The following DPYD variants were observed in gnomAD, a reference collection of about 807,000 sequenced individuals.
DPYD encodes dihydropyrimidine dehydrogenase [NADP(+)].
DPYD carries 109 observed loss-of-function variants against 116.2 expected under a neutral mutation model. The observed-to-expected ratio is 0.94, with a 90% CI of 0.80 to 1.10. The LOEUF is 1.10. DPYD is among the 50% of genes least tolerant of loss of function. DPYD has a pLI of 0.00. For synonymous variants in DPYD, 440 were observed against 432.0 expected (o/e 1.02, Z -0.23); for missense variants, 1,302 against 1,254.5 (o/e 1.04, Z -0.57).
chr1:97,725,604 A>G (rs1663209090), intron 4 of DPYD, among the ~76,000 whole-genome samples: 1 of 151,692 alleles, frequency 6.6e-6, no homozygotes, highest in South Asian at 2.1e-4. Flanking sequence ...AAGCATGTAG[A>G]TCAATGTGAT....
intron 14 of DPYD, among the ~76,000 whole-genome samples, chr1:97,385,800 T>A (rs1160007249): frequency 6.6e-6 from 1 of 152,144 alleles, no homozygotes; most frequent in Non-Finnish European, 1.5e-5. Flanking sequence ...GCCTTGACAG[T>A]AGGATAAGAT....
At chr1:97,245,734 T>C (rs554039194) in intron 18 of DPYD, among the ~76,000 whole-genome samples, 1 of 152,130 alleles carries the variant, frequency 6.6e-6, no homozygotes, top group South Asian at 2.1e-4. Flanking sequence ...AAAAAAGAGG[T>C]TCCACATCCA....
At chr1:97,448,763 A>G (rs1279246805) in intron 14 of DPYD, among the ~76,000 whole-genome samples, 1 of 152,064 alleles carries the variant, frequency 6.6e-6, no homozygotes. Flanking sequence ...AAGCTCAGGA[A>G]GAGAAAAATT....
chr1:97,196,906 T>A (rs893165385), intron 19 of DPYD, among the ~76,000 whole-genome samples: 2 of 152,206 alleles, frequency 1.3e-5, no homozygotes, highest in African/African-American at 2.4e-5. Context: ...TATCTTCAAC[T>A]GAAATATAGC....
intron 21 of DPYD, among the ~76,000 whole-genome samples, chr1:97,091,013 A>C (rs1649863064): frequency 6.6e-6 from 1 of 152,230 alleles, no homozygotes; most frequent in African/African-American, 2.4e-5. Flanking sequence ...AAAAAGAACA[A>C]AAGATGAGAT....
At chr1:97,413,629 C>T (rs1674134666) in intron 14 of DPYD, among the ~76,000 whole-genome samples, 2 of 151,984 alleles carry the variant, frequency 1.3e-5, no homozygotes, top group Admixed American at 6.6e-5. Flanking sequence ...CATGCCACCA[C>T]ACCTGCCTAA....
At chr1:97,226,140 T>C (rs1661138871) in intron 19 of DPYD, among the ~76,000 whole-genome samples, 1 of 151,990 alleles carries the variant, frequency 6.6e-6, no homozygotes, top group Non-Finnish European at 1.5e-5. Context: ...ACAAAAACCA[T>C]ACGATAATCT....
intron 1 of DPYD, among the ~76,000 whole-genome samples, chr1:97,895,069 A>T (rs1171786766): frequency 6.6e-6 from 1 of 151,820 alleles, no homozygotes; most frequent in South Asian, 2.1e-4. Flanking sequence ...AAGAAAATCT[A>T]TATTTTAGCA....
intron 18 of DPYD, among the ~76,000 whole-genome samples, chr1:97,289,700 A>C (rs949952376): frequency 6.6e-6 from 1 of 152,154 alleles, no homozygotes; most frequent in Non-Finnish European, 1.5e-5. Flanking sequence ...AAATCATAAG[A>C]GCTATCTATG....
chr1:97,862,954 G>A (rs1671195256), intron 2 of DPYD, among the ~76,000 whole-genome samples: 1 of 151,644 alleles, frequency 6.6e-6, no homozygotes, highest in Admixed American at 6.6e-5. Context: ...AGGCAAAACT[G>A]TAATACGAAA....
chr1:97,331,146 T>G (rs1489804820), intron 16 of DPYD, among the ~76,000 whole-genome samples: 4 of 152,086 alleles, frequency 2.6e-5, no homozygotes, highest in Non-Finnish European at 5.9e-5. Context: ...AGTCACTAGC[T>G]CACACCAGCC....
At chr1:97,823,460 G>T (rs1231774156) in intron 3 of DPYD, among the ~76,000 whole-genome samples, 1 of 152,054 alleles carries the variant, frequency 6.6e-6, no homozygotes, top group Admixed American at 6.5e-5. Context: ...ACCTTACTGT[G>T]CTATAGAACA....
At chr1:97,488,228 A>T (rs1187084640) in intron 13 of DPYD, among the ~76,000 whole-genome samples, 1 of 152,164 alleles carries the variant, frequency 6.6e-6, no homozygotes, top group Non-Finnish European at 1.5e-5. Context: ...TTGAAATTAG[A>T]AAATTTTAGA....
intron 1 of DPYD, among the ~76,000 whole-genome samples, chr1:97,900,704 T>C (rs1004860197): frequency 6.6e-6 from 1 of 151,912 alleles, no homozygotes. Context: ...TTTTACAATA[T>C]AGCATAATGA....
At chr1:97,489,754 T>C (rs1206661916) in intron 13 of DPYD, among the ~76,000 whole-genome samples, 1 of 152,206 alleles carries the variant, frequency 6.6e-6, no homozygotes, top group African/African-American at 2.4e-5. Flanking sequence ...AATATTCCTA[T>C]TTCATTATAA....
intron 3 of DPYD, among the ~76,000 whole-genome samples, chr1:97,742,751 ATTTTC>A (rs1664337496): frequency 6.6e-6 from 1 of 152,142 alleles, no homozygotes; most frequent in African/African-American, 2.4e-5. Context: ...GTTTGAAAGG[ATTTTC>A]TTTTATGTCG....
chr1:97,481,283 AC>A (rs2101881009), intron 13 of DPYD, among the ~76,000 whole-genome samples: 1 of 152,268 alleles, frequency 6.6e-6, no homozygotes, highest in South Asian at 2.1e-4. Context: ...ATTTTAAAAG[AC>A]TGATAACATC....
chr1:97,489,340 T>C (rs1260239708), intron 13 of DPYD, among the ~76,000 whole-genome samples: 1 of 152,106 alleles, frequency 6.6e-6, no homozygotes, highest in East Asian at 1.9e-4. Flanking sequence ...TTTAGCACAA[T>C]AAAGGTAGGA....
intron 18 of DPYD, among the ~76,000 whole-genome samples, chr1:97,263,580 T>C (rs191643340): frequency 6.6e-6 from 1 of 152,106 alleles, no homozygotes; most frequent in Non-Finnish European, 1.5e-5. Flanking sequence ...ATTTAAGGGT[T>C]GAACCATTAA....
Sources: gnomAD v4.1 joint callset for allele counts (sites outside exome capture counted in the v4.1 genomes callset) on GRCh38, gnomAD v4.1.1 for gene constraint, MANE v1.5 for transcripts, NCBI Gene and HGNC (gene_info 2026-07-23, HGNC 2026-07-21) for gene names.